ADAM19: variants seen among roughly 807,000 people sequenced by gnomAD.
The protein encoded by ADAM19 is ADAM metallopeptidase domain 19.
In ADAM19, 65 loss-of-function variants were observed where a neutral mutation model predicts 114.7. That is an observed-to-expected ratio of 0.57 (90% CI 0.46 to 0.70). The LOEUF (loss-of-function observed/expected upper bound fraction) is 0.70. Among genes scored for constraint, ADAM19 ranks in the 30% least tolerant of loss-of-function variants. The pLI, the probability that ADAM19 is intolerant of heterozygous loss-of-function variation, is 0.00. For synonymous variants in ADAM19, 466 were observed against 460.5 expected, an observed-to-expected ratio of 1.01 and a Z score of -0.15; for missense variants, 1,063 against 1,204.7, an observed-to-expected ratio of 0.88 and a Z score of 1.74.
Position 157,499,564 on chromosome 5 carries a change from G to A in ADAM19, c.1398+9C>T, listed in dbSNP as rs1755483915. The A allele has an allele frequency of 1.9e-6, 3 of 1,611,352 alleles. No homozygotes were observed. Among genetic ancestry groups the A allele is most frequent in the Admixed American group, 1.7e-5 (1 of 59,938 alleles). ...CAGGGCCCAAGGCGTGGAGAAAAGG[G>A]CCACTTACCTTACACTGGTGGCAGC... On this transcript the variant is annotated intron_variant, in intron 13 of 22. Coordinates refer to ENST00000257527, the MANE Select transcript of ADAM19 (RefSeq NM_033274.5).
rs1755114200 is a variant in ADAM19, at chr5:157,490,449, C to A, written c.2101G>T (p.Gly701Cys). 6.2e-7 allele frequency: 1 copy of A among 1,613,822 alleles called. No individual in the cohort carries two copies. Among genetic ancestry groups the A allele is most frequent in the African/African-American group, 1.3e-5 (1 of 74,920 alleles). The change falls in exon 19 of 23, where the codon GGT becomes TGT. Residue 701 changes from glycine (G) to cysteine (C), a missense_variant. Physicochemically the swap from Gly to Cys is radical, Grantham distance 159 (BLOSUM62 -3). Transcript: ENST00000257527. ...DSGPMPPESV[G>C]PVVAGVLVAI... ...ACCAACACTCCAGCTACCACAGGAC[C>A]CACACCTTCCAGAAACAGAACCCAA...
At chr5:157,497,916 T>C (rs1755419434) in intron 13 of ADAM19, among the ~76,000 whole-genome samples, 1 of 152,200 alleles carries the variant, frequency 6.6e-6, no homozygotes, top group Non-Finnish European at 1.5e-5. Flanking sequence ...CAACCAGGGT[T>C]TGAAGTCAGT....
rs117360084 is a variant in ADAM19, at chr5:157,496,318, G to A, written c.1594+576C>T. 2.1e-3 allele frequency among the ~76,000 whole-genome samples: 317 copies of A among 152,228 alleles called. 8 individuals are homozygous for A. In the East Asian group the frequency reaches 0.058, roughly 28 times the overall value. On this transcript the variant is annotated intron_variant, in intron 14 of 22. Coordinates refer to ENST00000257527, the MANE Select transcript of ADAM19 (RefSeq NM_033274.5). ...TTGGTCCCTACTGAAGGACACATAG[G>A]TTGTTGTTGCTATGGCTAACAATGG...
Position 157,502,274 on chromosome 5 carries a change from A to G in ADAM19, c.1308+529T>C, listed in dbSNP as rs116096132. Reference sequence around the variant, plus strand: ...GCTCTGCCGTGTACCCTCCACACTCACTGTGAAGATCAGAAGGAAGGAGAG... The same window carrying G: ...GCTCTGCCGTGTACCCTCCACACTCGCTGTGAAGATCAGAAGGAAGGAGAG... On this transcript the variant is annotated intron_variant, in intron 12 of 22. Coordinates refer to ENST00000257527, the MANE Select transcript of ADAM19 (RefSeq NM_033274.5). 7.0e-3 allele frequency among the ~76,000 whole-genome samples: 1,072 copies of G among 152,294 alleles called. 13 individuals carry two copies. Among genetic ancestry groups the G allele is most frequent in the African/African-American group, 0.024 (1,018 of 41,570 alleles).
intron 21 of ADAM19, among the ~76,000 whole-genome samples, chr5:157,482,293 G>A (rs1165570243): frequency 1.3e-5 from 2 of 152,086 alleles, no homozygotes; most frequent in East Asian, 1.9e-4. Context: ...TTTGTAGATT[G>A]GGGATATTAG....
At chr5:157,514,391 G>T (rs1369362943) in intron 7 of ADAM19, among the ~76,000 whole-genome samples, 1 of 150,786 alleles carries the variant, frequency 6.6e-6, no homozygotes, top group East Asian at 1.9e-4. Context: ...GTGCAGTGGC[G>T]TGATCTCGGC....
intron 10 of ADAM19, among the ~76,000 whole-genome samples, chr5:157,506,726 G>A (rs569461752): frequency 1.1e-3 from 163 of 152,160 alleles, no homozygotes; most frequent in Middle Eastern, 3.4e-3. Context: ...AACAGCACAC[G>A]ACCTGAAATA....
Position 157,564,441 on chromosome 5 carries a change from A to G in ADAM19, c.183T>C (p.His61=). 1 of 1,614,144 alleles carries G rather than the reference A, an allele frequency of 6.2e-7. No homozygotes were observed. The highest frequency in any genetic ancestry group is 8.5e-7 in the Non-Finnish European group (1 of 1,179,942). ...TTACCCTGAGCTCAGCTTTGAGTGGATGCTAAAAGCAACAACAAAACAATG... is the reference window on the plus strand; with the variant it reads ...TTACCCTGAGCTCAGCTTTGAGTGGGTGCTAAAAGCAACAACAAAACAATG... ...KTSESPVREK[H]PLKAELRVMA... Residue 61 remains histidine, a splice_region_variant and synonymous_variant, in exon 3 of 23, where the codon CAT becomes CAC. Coordinates refer to ENST00000257527, the MANE Select transcript of ADAM19 (RefSeq NM_033274.5).
chr5:157,514,817 A>G lies in ADAM19; in HGVS notation c.667-1312T>C, dbSNP rs1756044057. ...ACAGTGTAAAGAGAAAACCTGCTACAACTGCAAATTACATTTAAAAATGAT... is the reference window on the plus strand; with the variant it reads ...ACAGTGTAAAGAGAAAACCTGCTACGACTGCAAATTACATTTAAAAATGAT... On this transcript the variant is annotated intron_variant, in intron 7 of 22. Transcript: ENST00000257527. 3.3e-5 allele frequency among the ~76,000 whole-genome samples: 5 copies of G among 152,332 alleles called. No individual in the cohort carries two copies. The South Asian group carries it at 1.0e-3, about 32-fold the overall frequency.
chr5:157,573,801 C>T (rs893732602), intron 1 of ADAM19, among the ~76,000 whole-genome samples: 2 of 151,872 alleles, frequency 1.3e-5, no homozygotes, highest in African/African-American at 2.4e-5. Context: ...AGAAAGATAA[C>T]CAAGAATTAT....
chr5:157,526,676 A>C (rs1405181900), intron 5 of ADAM19, among the ~76,000 whole-genome samples: 3 of 150,400 alleles, frequency 2.0e-5, no homozygotes, highest in Non-Finnish European at 4.4e-5. Context: ...GCTGGAGTGC[A>C]GTGGTGGGAT....
intron 12 of ADAM19, among the ~76,000 whole-genome samples, chr5:157,501,768 G>A (rs1294999451): frequency 6.6e-6 from 1 of 150,436 alleles, no homozygotes; most frequent in East Asian, 1.9e-4. Context: ...GAGGTCACAG[G>A]CAGGGTGCGG....
intron 21 of ADAM19, among the ~76,000 whole-genome samples, chr5:157,488,049 G>A (rs1325546365): frequency 2.6e-5 from 4 of 152,278 alleles, no homozygotes; most frequent in East Asian, 3.9e-4. Context: ...AGGCCAACCC[G>A]GGAGAAAATG....
chr5:157,557,071 T>G (rs187618012), intron 3 of ADAM19, among the ~76,000 whole-genome samples: 73 of 152,240 alleles, frequency 4.8e-4, no homozygotes, highest in Middle Eastern at 3.4e-3. Flanking sequence ...TTTTTGTTTG[T>G]TTGGTTGGTT....
intron 20 of ADAM19, among the ~76,000 whole-genome samples, chr5:157,488,788 T>C (rs1156874913): frequency 1.3e-5 from 2 of 152,088 alleles, no homozygotes; most frequent in Non-Finnish European, 2.9e-5. Flanking sequence ...TCCCAGCATT[T>C]TGGGAGGCCG....
chr5:157,563,618 G>C (rs1317793550), intron 3 of ADAM19, among the ~76,000 whole-genome samples: 2 of 152,132 alleles, frequency 1.3e-5, no homozygotes, highest in Non-Finnish European at 2.9e-5. Flanking sequence ...AAAGTGGGAC[G>C]GTCAGTGGGG....
At chr5:157,551,192 G>A (rs1017081424) in intron 3 of ADAM19, among the ~76,000 whole-genome samples, 2 of 151,994 alleles carry the variant, frequency 1.3e-5, no homozygotes, top group Non-Finnish European at 2.9e-5. Flanking sequence ...ATCACCTGAG[G>A]TCAGGAGTTG....
At chr5:157,509,529 C>T in intron 8 of ADAM19, 62 bp from the exon 9 acceptor site, 5 of 1,266,368 alleles carry the variant, frequency 3.9e-6, no homozygotes, top group Non-Finnish European at 5.2e-6. Flanking sequence ...AAAGCCCCTT[C>T]CTTTCATTCT....
chr5:157,562,479 G>A (rs1047551946), intron 3 of ADAM19, among the ~76,000 whole-genome samples: 7 of 152,188 alleles, frequency 4.6e-5, no homozygotes, highest in Non-Finnish European at 8.8e-5. Flanking sequence ...CGCTGTGCAA[G>A]CACTTCCTGC....
Sources: gnomAD v4.1 joint callset for allele counts (sites outside exome capture counted in the v4.1 genomes callset) on GRCh38, gnomAD v4.1.1 for gene constraint, MANE v1.5 for transcripts, NCBI Gene and HGNC (gene_info 2026-07-23, HGNC 2026-07-21) for gene names.